TNFAIP1: variants seen among roughly 807,000 people sequenced by gnomAD.
The protein encoded by TNFAIP1 is BTB/POZ domain-containing adapter for CUL3-mediated RhoA degradation protein 2.
Under a neutral mutation model 32.6 loss-of-function variants are expected in TNFAIP1, and 20 were observed. The observed-to-expected ratio is 0.61, with a 90% confidence interval of 0.43 to 0.89. The LOEUF (loss-of-function observed/expected upper bound fraction) is 0.89. Among genes scored for constraint, TNFAIP1 ranks in the 40% least tolerant of loss-of-function variants. The pLI, the probability that TNFAIP1 is intolerant of heterozygous loss-of-function variation, is 0.00. For synonymous variants in TNFAIP1, 166 were observed against 166.8 expected, an observed-to-expected ratio of 1.00 and a Z score of 0.04; for missense variants, 319 against 425.1, an observed-to-expected ratio of 0.75 and a Z score of 2.20.
At position 28,340,163 on chromosome 17, in the gene TNFAIP1, C is replaced by T. The variant is rs1159930583; in HGVS notation, c.206-146C>T. On this transcript the variant is annotated intron_variant, in intron 2 of 6. Transcript: ENST00000226225. This position sits in a 1 kb window ranked among gnomAD's most constrained non-coding sequence, Gnocchi z 4.1. ...CCATGGGCCTGAGTGCTAGAACCTC[C>T]ATCCCCGCCTCTGTCACCCTGCGTA... The T allele has an allele frequency of 2.8e-5, 22 of 789,978 alleles. No individual in the cohort carries two copies. Among genetic ancestry groups the T allele is most frequent in the Non-Finnish European group, 4.1e-5 (20 of 489,640 alleles). 48.9% of individuals were successfully genotyped at this position (789,978 alleles called of 1,614,324 possible). A position where few individuals can be genotyped will look rare whatever the true frequency, so the allele number is the denominator to read the frequency against.
chr17:28,342,169 G>A lies in TNFAIP1; in HGVS notation c.519-78G>A, dbSNP rs564073994. 512 of 1,296,810 alleles carry A rather than the reference G, an allele frequency of 3.9e-4. 3 individuals carry two copies. The highest frequency in any genetic ancestry group is 2.9e-3 in the Middle Eastern group (11 of 3,758). 80.3% of individuals were successfully genotyped at this position (1,296,810 alleles called of 1,614,324 possible). A position where few individuals can be genotyped will look rare whatever the true frequency, so the allele number is the denominator to read the frequency against. The stretch of plus-strand genomic sequence containing the variant: ...GACAGGATGGGGGAAGGGAGGGAGG[G>A]GAGGGCCCCACTTGTCTAGCACCCT... On this transcript the variant is annotated intron_variant, in intron 5 of 6. Transcript: ENST00000226225. The surrounding 1 kb of genome is among the most constrained non-coding windows in gnomAD (Gnocchi z 4.0).
At chr17:28,337,189 G>A (rs3093679) in intron 1 of TNFAIP1, among the ~76,000 whole-genome samples, 14,515 of 152,064 alleles carry the variant, frequency 0.095, 801 homozygotes, top group East Asian at 0.23. Context: ...CTACCCAGCA[G>A]CAAGTTATCT....
chr17:28,341,263 G>A lies in TNFAIP1; in HGVS notation c.402G>A (p.Val134=), dbSNP rs782623465. Residue 134 remains valine, a synonymous_variant, in exon 4 of 7, where the codon GTG becomes GTA. Transcript: ENST00000226225. ...LQDKKDSYQP[V]CNIPIITSLK... is the part of the protein sequence containing the mutation. ...ACAAGAAGGACTCCTACCAGCCTGTGTGCAACATCCCCATCATCACATCCC... is the reference window on the plus strand; with the variant it reads ...ACAAGAAGGACTCCTACCAGCCTGTATGCAACATCCCCATCATCACATCCC... 6.2e-7 allele frequency: 1 copy of A among 1,614,074 alleles called. No individual in the cohort carries two copies. The highest frequency in any genetic ancestry group is 8.5e-7 in the Non-Finnish European group (1 of 1,180,040).
rs1256531706 is a variant in TNFAIP1 at position 28,346,946 on chromosome 17, T to C, written c.*2346T>C. Reference sequence around the variant, plus strand: ...TTCCTTTATCACATAACTGTAATATTTGGTTGCTCAGCATAAGTGATGGAA... The same window carrying C: ...TTCCTTTATCACATAACTGTAATATCTGGTTGCTCAGCATAAGTGATGGAA... On this transcript the variant is annotated 3_prime_UTR_variant, in exon 7 of 7. Coordinates refer to ENST00000226225, the MANE Select transcript of TNFAIP1 (RefSeq NM_021137.5). 6.6e-6 allele frequency: 1 copy of C among 152,204 alleles called. No individual in the cohort carries two copies. The highest frequency in any genetic ancestry group is 1.5e-5 in the Non-Finnish European group (1 of 68,042). 9.4% of individuals were successfully genotyped at this position (152,204 alleles called of 1,614,324 possible).
chr17:28,340,300 C>T lies in TNFAIP1; in HGVS notation c.206-9C>T, dbSNP rs1907318194. The T allele has an allele frequency of 6.2e-7, 1 of 1,613,062 alleles. No homozygotes were observed. On this transcript the variant is annotated splice_polypyrimidine_tract_variant and intron_variant, in intron 2 of 6. Coordinates refer to ENST00000226225, the MANE Select transcript of TNFAIP1 (RefSeq NM_021137.5). This position sits in a 1 kb window ranked among gnomAD's most constrained non-coding sequence, Gnocchi z 4.1. ...CAAACTAACCCTGTAGGGCCTTCTG[C>T]ACCCCTAGGCTGGATCCTCATAGAC...
intron 1 of TNFAIP1, among the ~76,000 whole-genome samples, chr17:28,337,558 A>G (rs781866110): frequency 7.2e-5 from 11 of 151,946 alleles, no homozygotes; most frequent in Non-Finnish European, 1.5e-4. Context: ...TGTAGAAACA[A>G]ACTCTCACTA....
In TNFAIP1 at chr17:28,345,059, G is replaced by C. The variant is rs1907504628; in HGVS notation, c.*459G>C. The C allele has an allele frequency of 1.1e-5, 2 of 181,534 alleles. No individual in the cohort carries two copies. Among genetic ancestry groups the C allele is most frequent in the Non-Finnish European group, 2.4e-5 (2 of 83,714 alleles). The allele number at this position is 181,534 out of a possible 1,614,324, so 11.2% of individuals were successfully genotyped here. ...GTTTGGTTTTTAAAAAATAATCTAG[G>C]AAATGAATAATTCTAAATCTAGTAA... On this transcript the variant is annotated 3_prime_UTR_variant, in exon 7 of 7. Transcript: ENST00000226225.
In TNFAIP1 at chr17:28,342,372, G is replaced by A; in HGVS notation, c.644G>A (p.Gly215Asp). Residue 215 changes from glycine (G) to aspartate (D), a missense_variant, in exon 6 of 7, where the codon GGC becomes GAC. By Grantham distance (94) the Gly-to-Asp change is moderately conservative (BLOSUM62 -1). Transcript: ENST00000226225. The surrounding 1 kb of genome is among the most constrained non-coding windows in gnomAD (Gnocchi z 4.0). ...GDEICCWSFY[G>D]QGRKLAEVCC... ...GAGATCTGCTGCTGGTCCTTTTATGGCCAGGGCCGTAAGCTGGCAGAGGTG... is the reference window on the plus strand; with the variant it reads ...GAGATCTGCTGCTGGTCCTTTTATGACCAGGGCCGTAAGCTGGCAGAGGTG... 1 of 1,606,858 alleles carries A rather than the reference G, an allele frequency of 6.2e-7. No individual in the cohort carries two copies. Among genetic ancestry groups the A allele is most frequent in the Non-Finnish European group, 8.5e-7 (1 of 1,173,842 alleles).
chr17:28,340,205 G>A lies in TNFAIP1; in HGVS notation c.206-104G>A. 8.2e-7 allele frequency: 1 copy of A among 1,220,204 alleles called. No individual in the cohort carries two copies. Among genetic ancestry groups the A allele is most frequent in the Non-Finnish European group, 1.2e-6 (1 of 847,992 alleles). 75.6% of individuals were successfully genotyped at this position (1,220,204 alleles called of 1,614,324 possible). A position where few individuals can be genotyped will look rare whatever the true frequency, so the allele number is the denominator to read the frequency against. ...CCCTGCGTAAGGGCTTTGTGCTCGT[G>A]GACCCCCTTCCCTGCCACCTGCCGC... is the stretch of plus-strand genomic sequence containing the variant. On this transcript the variant is annotated intron_variant, in intron 2 of 6. Coordinates refer to ENST00000226225, the MANE Select transcript of TNFAIP1 (RefSeq NM_021137.5). The surrounding 1 kb of genome is among the most constrained non-coding windows in gnomAD (Gnocchi z 4.1).
chr17:28,340,273 G>T lies in TNFAIP1; in HGVS notation c.206-36G>T. 1 of 1,601,728 alleles carries T rather than the reference G, an allele frequency of 6.2e-7. No homozygotes were observed. Among genetic ancestry groups the T allele is most frequent in the Non-Finnish European group, 8.5e-7 (1 of 1,171,374 alleles). ...TTTGCCTGCCTCGGAGGTACCTGGC[G>T]GCAAACTAACCCTGTAGGGCCTTCT... On this transcript the variant is annotated intron_variant, in intron 2 of 6. Transcript: ENST00000226225. The surrounding 1 kb of genome is among the most constrained non-coding windows in gnomAD (Gnocchi z 4.1).
At position 28,339,746 on chromosome 17, in the gene TNFAIP1, G is replaced by A. The variant is rs781963519; in HGVS notation, c.205+20G>A. ...AAGAAGGTGAGGCACTGGGGCTGCC[G>A]CTCGGGGTGGGGAGGGCAGGAGGAG... On this transcript the variant is annotated intron_variant, in intron 2 of 6. Coordinates refer to ENST00000226225, the MANE Select transcript of TNFAIP1 (RefSeq NM_021137.5). 214 of 1,609,208 alleles carry A rather than the reference G, an allele frequency of 1.3e-4. No individual in the cohort carries two copies. The Middle Eastern group carries it at 1.3e-3, about 10-fold the overall frequency.
rs949484475 is a variant in TNFAIP1 at position 28,342,897 on chromosome 17, T to C, written c.714+455T>C. On this transcript the variant is annotated intron_variant, in intron 6 of 6. Transcript: ENST00000226225. The surrounding 1 kb of genome is among the most constrained non-coding windows in gnomAD (Gnocchi z 4.0). ...TGTGGTGTAGAAACAGCTTGGGCTTTCGTGTTAGAATGCTGTTCAGATCTC... is the reference window on the plus strand; with the variant it reads ...TGTGGTGTAGAAACAGCTTGGGCTTCCGTGTTAGAATGCTGTTCAGATCTC... Among the ~76,000 whole-genome samples, 14 of 152,222 alleles carry C rather than the reference T, an allele frequency of 9.2e-5. No individual in the cohort carries two copies. Among genetic ancestry groups the C allele is most frequent in the Admixed American group, 2.0e-4 (3 of 15,284 alleles).
chr17:28,342,310 CG>C lies in TNFAIP1; in HGVS notation c.584del (p.Gly195AlafsTer157), dbSNP rs782124570. 2 of 1,599,634 alleles carry C rather than the reference CG, an allele frequency of 1.3e-6. No individual in the cohort carries two copies. Among genetic ancestry groups the C allele is most frequent in the South Asian group, 2.2e-5 (2 of 90,658 alleles). On this transcript the variant is annotated frameshift_variant, in exon 6 of 7. Transcript: ENST00000226225. LOFTEE classifies it high-confidence loss of function. The surrounding 1 kb of genome is among the most constrained non-coding windows in gnomAD (Gnocchi z 4.0). ...LFDKLSLRFNGRVLFIKDVIG... is the reference protein window; with the variant it reads ...LFDKLSLRFNXRVLFIKDVIG... ...TTGACAAGCTCTCCCTGCGCTTCAA[CG>C]GCCGCGTGCTCTTCATCAAGGATGT...
At chr17:28,336,899 C>T (rs1032174863) in intron 1 of TNFAIP1, among the ~76,000 whole-genome samples, 1 of 152,218 alleles carries the variant, frequency 6.6e-6, no homozygotes, top group Admixed American at 6.5e-5. Flanking sequence ...AACAAACTGA[C>T]GTATGTTAAA....
intron 2 of TNFAIP1, among the ~76,000 whole-genome samples, chr17:28,339,930 T>A (rs1907306446): frequency 6.6e-6 from 1 of 152,220 alleles, no homozygotes; most frequent in African/African-American, 2.4e-5. Context: ...GCCATACTTT[T>A]AAAATATTTA....
Position 28,340,305 on chromosome 17 carries a change from CT to C in TNFAIP1, c.206-3del. The C allele has an allele frequency of 6.2e-7, 1 of 1,613,586 alleles. No homozygotes were observed. The highest frequency in any genetic ancestry group is 8.5e-7 in the Non-Finnish European group (1 of 1,179,680). ...TAACCCTGTAGGGCCTTCTGCACCC[CT>C]AGGCTGGATCCTCATAGACCGTTGT... On this transcript the variant is annotated splice_polypyrimidine_tract_variant and splice_region_variant and intron_variant, in intron 2 of 6. Transcript: ENST00000226225. The surrounding 1 kb of genome is among the most constrained non-coding windows in gnomAD (Gnocchi z 4.1).
At chr17:28,341,827 C>G (rs1419386901) in intron 5 of TNFAIP1, among the ~76,000 whole-genome samples, 2 of 152,182 alleles carry the variant, frequency 1.3e-5, no homozygotes, top group Non-Finnish European at 2.9e-5. Flanking sequence ...ACCCTCCAGG[C>G]CATGTCCTCT....
In TNFAIP1 at chr17:28,340,691, A is replaced by G. The variant is rs782107540; in HGVS notation, c.375+213A>G. ...TGAGTAGGCCCTGCTTCTGGTTTCT[A>G]TGCTTTGCTACCCGGATTTTAGGGG... On this transcript the variant is annotated intron_variant, in intron 3 of 6. Coordinates refer to ENST00000226225, the MANE Select transcript of TNFAIP1 (RefSeq NM_021137.5). This position sits in a 1 kb window ranked among gnomAD's most constrained non-coding sequence, Gnocchi z 4.1. Among the ~76,000 whole-genome samples, 9 of 152,010 alleles carry G rather than the reference A, an allele frequency of 5.9e-5. No individual in the cohort carries two copies. Among genetic ancestry groups the G allele is most frequent in the African/African-American group, 2.2e-4 (9 of 41,376 alleles).
In TNFAIP1 at chr17:28,339,661, C is replaced by A. The variant is rs1555577850; in HGVS notation, c.140C>A (p.Thr47Asn). ...TACTACACCACTGTGCGGGCCCTGACCCGCCACGACACCATGCTCAAGGCC... is the reference window on the plus strand; with the variant it reads ...TACTACACCACTGTGCGGGCCCTGAACCGCCACGACACCATGCTCAAGGCC... ...SLYYTTVRAL[T>N]RHDTMLKAMF... Residue 47 changes from threonine to asparagine, a missense_variant, in exon 2 of 7, where the codon ACC becomes AAC. Transcript: ENST00000226225. 1.2e-6 allele frequency: 2 copies of A among 1,613,996 alleles called. No individual in the cohort carries two copies. The highest frequency in any genetic ancestry group is 1.7e-6 in the Non-Finnish European group (2 of 1,180,016).
Sources: allele counts gnomAD v4.1 joint callset (sites outside exome capture counted in the v4.1 genomes callset), GRCh38; gene constraint gnomAD v4.1.1; non-coding constraint Gnocchi (gnomAD v3.1); transcripts MANE v1.5; gene names NCBI Gene and HGNC (gene_info 2026-07-23, HGNC 2026-07-21).